Variants in RAP1GAP observed in about 807,000 individuals in gnomAD.
RAP1GAP encodes the protein RAP1 GTPase activating protein.
In RAP1GAP, 35 loss-of-function variants were observed where a neutral mutation model predicts 87.2. The observed-to-expected ratio is 0.40, with a 90% confidence interval of 0.31 to 0.53. The LOEUF (loss-of-function observed/expected upper bound fraction) is 0.53, where lower values mean the gene tolerates loss of function less well. Ranked by LOEUF, RAP1GAP falls within the 20% of genes least tolerant of loss-of-function variation. The probability of loss-of-function intolerance (pLI) is 0.48; values close to 1 mark genes in which losing one functional copy is unlikely to be tolerated. For synonymous variants in RAP1GAP, 375 were observed against 363.9 expected (o/e 1.03, Z -0.35); for missense variants, 734 against 898.9 (o/e 0.82, Z 2.35).
rs1231392658 is a variant in RAP1GAP at position 21,615,729 on chromosome 1, C to T, written c.291+1577G>A. ...CCTCCAGTCTGCACTTCTTCAGAGCCTGCTGCACTCGAGGTCCACTACCTT... is the reference window on the plus strand; with the variant it reads ...CCTCCAGTCTGCACTTCTTCAGAGCTTGCTGCACTCGAGGTCCACTACCTT... On this transcript the variant is annotated intron_variant, in intron 7 of 24. Transcript: ENST00000374765. The surrounding 1 kb of genome is among the most constrained non-coding windows in gnomAD (Gnocchi z 4.5). Among the ~76,000 whole-genome samples, 1 of 152,186 alleles carries T rather than the reference C, an allele frequency of 6.6e-6. No homozygotes were observed. Among genetic ancestry groups the T allele is most frequent in the African/African-American group, 2.4e-5 (1 of 41,450 alleles).
chr1:21,649,501 G>T (rs921048741), intron 2 of RAP1GAP, among the ~76,000 whole-genome samples: 7 of 152,162 alleles, frequency 4.6e-5, no homozygotes, highest in African/African-American at 1.4e-4. Context: ...GAAAATTGAG[G>T]TTCAGAGACA....
rs2076563345 is a variant in RAP1GAP, at chr1:21,609,019, G to C, written c.1072-83C>G. On this transcript the variant is annotated intron_variant, in intron 15 of 24. Transcript: ENST00000374765. The surrounding 1 kb of genome is among the most constrained non-coding windows in gnomAD (Gnocchi z 4.4). ...AGGGTCGGAACCCCAACGAGGCAGA[G>C]GCTGCAGCTCCTGAACCATGCTCTG... 8.6e-7 allele frequency: 1 copy of C among 1,162,470 alleles called. No homozygotes were observed. The highest frequency in any genetic ancestry group is 1.5e-5 in the African/African-American group (1 of 66,450). The allele number at this position is 1,162,470 out of a possible 1,614,324, so 72.0% of individuals were successfully genotyped here. A position where few individuals can be genotyped will look rare whatever the true frequency, so the allele number is the denominator to read the frequency against.
intron 1 of RAP1GAP, among the ~76,000 whole-genome samples, chr1:21,662,902 T>C (rs1015423663): frequency 3.3e-5 from 5 of 152,146 alleles, no homozygotes; most frequent in Non-Finnish European, 5.9e-5. Flanking sequence ...AGTGCTTACA[T>C]AGGGCCCAGC....
chr1:21,607,942 C>A (rs1047240755), intron 17 of RAP1GAP, among the ~76,000 whole-genome samples: 1 of 151,126 alleles, frequency 6.6e-6, no homozygotes, highest in Non-Finnish European at 1.5e-5. Context: ...CGCAGGCGAG[C>A]GGCCTCTAGC....
intron 2 of RAP1GAP, among the ~76,000 whole-genome samples, chr1:21,643,448 C>T (rs921529595): frequency 1.3e-5 from 2 of 151,492 alleles, no homozygotes; most frequent in African/African-American, 4.9e-5. Context: ...ATCCCAGCTA[C>T]TCAGGAGGCT....
chr1:21,612,148 A>G lies in RAP1GAP; in HGVS notation c.529-39T>C, dbSNP rs369394956. Reference sequence around the variant, plus strand: ...CGCCGGGTGAAGAGGCTGCGTGTGCAAGCTGCCATTCGACGTGCTCTTCCC... The same window carrying G: ...CGCCGGGTGAAGAGGCTGCGTGTGCGAGCTGCCATTCGACGTGCTCTTCCC... On this transcript the variant is annotated intron_variant, in intron 10 of 24. Coordinates refer to ENST00000374765, the MANE Select transcript of RAP1GAP (RefSeq NM_002885.4). The G allele has an allele frequency of 1.2e-5, 18 of 1,468,752 alleles. No individual in the cohort carries two copies. In the African/African-American group the frequency reaches 2.5e-4, roughly 21 times the overall value. 91.0% of individuals were successfully genotyped at this position (1,468,752 alleles called of 1,614,324 possible).
Position 21,606,215 on chromosome 1 carries a change from G to C in RAP1GAP, c.1297-18C>G. On this transcript the variant is annotated intron_variant, in intron 17 of 24. Coordinates refer to ENST00000374765, the MANE Select transcript of RAP1GAP (RefSeq NM_002885.4). ...ATGACCCGCTGTGAAGGGGGTGGCA[G>C]TGGAGGAGGCACAGGATTCCTAAGG... The C allele has an allele frequency of 6.4e-7, 1 of 1,569,966 alleles. No individual in the cohort carries two copies. The highest frequency in any genetic ancestry group is 8.6e-7 in the Non-Finnish European group (1 of 1,160,042).
At chr1:21,633,066 G>A (rs1455028482) in intron 2 of RAP1GAP, among the ~76,000 whole-genome samples, 2 of 152,198 alleles carry the variant, frequency 1.3e-5, no homozygotes, top group Non-Finnish European at 2.9e-5. Context: ...TCTGCAAAAT[G>A]AGAGATAATG....
chr1:21,667,587 G>A (rs2097410555), intron 1 of RAP1GAP: 1 of 152,594 alleles, frequency 6.6e-6, no homozygotes, highest in Admixed American at 6.5e-5. Context: ...TCCAGCCACA[G>A]GCACCCTCAC....
Position 21,659,337 on chromosome 1 carries a change from G to A in RAP1GAP, c.-148-9541C>T, listed in dbSNP as rs568753956. Among the ~76,000 whole-genome samples the A allele has an allele frequency of 1.1e-4, 16 of 152,332 alleles. No homozygotes were observed. In the South Asian group the frequency reaches 3.1e-3, roughly 30 times the overall value. ...TCCAGGACCAGGGACAGCGCCCCGGGAGCATCTCAGAGAAGGGTGGGGACC... is the reference window on the plus strand; with the variant it reads ...TCCAGGACCAGGGACAGCGCCCCGGAAGCATCTCAGAGAAGGGTGGGGACC... On this transcript the variant is annotated intron_variant, in intron 1 of 24. Coordinates refer to ENST00000374765, the MANE Select transcript of RAP1GAP (RefSeq NM_002885.4).
At position 21,599,481 on chromosome 1, in the gene RAP1GAP, CT is replaced by C. The variant is rs2066426328; in HGVS notation, c.1776+12del. 2.5e-6 allele frequency: 4 copies of C among 1,605,990 alleles called. No homozygotes were observed. Among genetic ancestry groups the C allele is most frequent in the African/African-American group, 1.3e-5 (1 of 74,858 alleles). On this transcript the variant is annotated intron_variant, in intron 21 of 24. Coordinates refer to ENST00000374765, the MANE Select transcript of RAP1GAP (RefSeq NM_002885.4). ...AGCTCCTGTGGGGCCCCTGACCCCC[CT>C]GAGCCTCTCACCAGGCCTGTGTCCT...
At chr1:21,608,126 C>T in intron 17 of RAP1GAP, 87 bp downstream of exon 17, 1 of 1,539,812 alleles carries the variant, frequency 6.5e-7, no homozygotes, top group Admixed American at 1.9e-5. Context: ...ACCCCCACGC[C>T]GTGTCCATCA....
At position 21,614,099 on chromosome 1, in the gene RAP1GAP, G is replaced by A. The variant is rs200137350; in HGVS notation, c.292-10C>T. 89 of 1,568,246 alleles carry A rather than the reference G, an allele frequency of 5.7e-5. No individual in the cohort carries two copies. The East Asian group carries it at 1.9e-3, about 34-fold the overall frequency. On this transcript the variant is annotated splice_polypyrimidine_tract_variant and intron_variant, in intron 7 of 24. Coordinates refer to ENST00000374765, the MANE Select transcript of RAP1GAP (RefSeq NM_002885.4). The stretch of plus-strand genomic sequence containing the variant: ...AGTAATTGAAATGCTCCTGCAGTGG[G>A]AGGTGGGGGCCAGGGGAGTGGGTGA...
At position 21,601,440 on chromosome 1, in the gene RAP1GAP, C is replaced by T. The variant is rs562042540; in HGVS notation, c.1652+244G>A. On this transcript the variant is annotated intron_variant, in intron 20 of 24. Coordinates refer to ENST00000374765, the MANE Select transcript of RAP1GAP (RefSeq NM_002885.4). ...ATGAGGCCGCGTTCTGATGGACCTGCGGCCGTGAGGCGGGGACCTATGCGC... is the reference window on the plus strand; with the variant it reads ...ATGAGGCCGCGTTCTGATGGACCTGTGGCCGTGAGGCGGGGACCTATGCGC... Among the ~76,000 whole-genome samples, 31 of 152,340 alleles carry T rather than the reference C, an allele frequency of 2.0e-4. No homozygotes were observed. In the South Asian group the frequency reaches 4.3e-3, roughly 21 times the overall value.
intron 13 of RAP1GAP, among the ~76,000 whole-genome samples, chr1:21,610,796 G>T (rs2077746017): frequency 6.6e-6 from 1 of 152,174 alleles, no homozygotes; most frequent in South Asian, 2.1e-4. Context: ...CATTCATGTT[G>T]CTAAAATGAA....
rs115394639 is a variant in RAP1GAP, at chr1:21,619,121, C to G, written c.19-49G>C. ...ACACCCTCCCAGGCCTGCCGCCAGG[C>G]GCTGCCTCCCCTCCCCAAGGCGTGC... On this transcript the variant is annotated intron_variant, in intron 4 of 24. Coordinates refer to ENST00000374765, the MANE Select transcript of RAP1GAP (RefSeq NM_002885.4). 9 of 1,542,920 alleles carry G rather than the reference C, an allele frequency of 5.8e-6. No homozygotes were observed. In the South Asian group the frequency reaches 1.1e-4, roughly 18 times the overall value.
chr1:21,649,695 G>C, intron 2 of RAP1GAP, 66 bp downstream of exon 2: 1 of 1,492,744 alleles, frequency 6.7e-7, no homozygotes. Flanking sequence ...GGTAGGAATG[G>C]ATTGGGGGTA....
chr1:21,619,142 C>A lies in RAP1GAP; in HGVS notation c.19-70G>T, dbSNP rs185041956. On this transcript the variant is annotated intron_variant, in intron 4 of 24. Coordinates refer to ENST00000374765, the MANE Select transcript of RAP1GAP (RefSeq NM_002885.4). ...CAGGCGCTGCCTCCCCTCCCCAAGG[C>A]GTGCAAGGGGAAAGCCCTAGGAGGC... is the stretch of plus-strand genomic sequence containing the variant. The A allele has an allele frequency of 6.7e-6, 10 of 1,488,334 alleles. No individual in the cohort carries two copies. In the African/African-American group the frequency reaches 1.3e-4, roughly 19 times the overall value. The allele number at this position is 1,488,334 out of a possible 1,614,324, so 92.2% of individuals were successfully genotyped here. A position where few individuals can be genotyped will look rare whatever the true frequency, so the allele number is the denominator to read the frequency against.
intron 1 of RAP1GAP, among the ~76,000 whole-genome samples, chr1:21,667,936 C>T (rs998366399): frequency 6.6e-6 from 1 of 152,174 alleles, no homozygotes; most frequent in Non-Finnish European, 1.5e-5. Context: ...CTGCTGGGGG[C>T]TCTCAGAGTG....
Sources: allele counts gnomAD v4.1 joint callset (sites outside exome capture counted in the v4.1 genomes callset), GRCh38; gene constraint gnomAD v4.1.1; non-coding constraint Gnocchi (gnomAD v3.1); transcripts MANE v1.5; gene names NCBI Gene and HGNC (gene_info 2026-07-23, HGNC 2026-07-21).